Variants in CDX2 observed in about 807,000 individuals in gnomAD.
CDX2 encodes the protein caudal type homeobox 2, also known as homeobox protein CDX-2.
A neutral mutation model predicts 25.5 loss-of-function variants in CDX2; 7 were observed. That is an observed-to-expected ratio of 0.27 (90% confidence interval 0.16 to 0.52). CDX2 has a LOEUF of 0.52. Among genes scored for constraint, CDX2 ranks in the 20% least tolerant of loss-of-function variants. CDX2 has a pLI of 0.97. For missense variants in CDX2, 375 were observed against 431.4 expected (o/e 0.87, Z 1.16); for synonymous variants, 222 against 198.6 (o/e 1.12, Z -0.99).
intron 1 of CDX2, among the ~76,000 whole-genome samples, chr13:27,966,528 C>G (rs117721308): frequency 6.6e-6 from 1 of 152,212 alleles, no homozygotes; most frequent in Admixed American, 6.5e-5. Flanking sequence ...GGAGCTGAGG[C>G]GCAGGGCAGT....
rs1191697722 is a variant in CDX2 at position 27,968,964 on chromosome 13, G to T, written c.43C>A (p.Pro15Thr). The T allele has an allele frequency of 6.2e-7, 1 of 1,606,050 alleles. No individual in the cohort carries two copies. The highest frequency in any genetic ancestry group is 1.3e-5 in the African/African-American group (1 of 74,900). The change falls in exon 1 of 3, where the codon CCT becomes ACT. Residue 15 changes from proline (P) to threonine (T), a missense_variant. Physicochemically the swap from Pro to Thr is conservative, Grantham distance 38. Coordinates refer to ENST00000381020, the MANE Select transcript of CDX2 (RefSeq NM_001265.6). ...CCGCCAGAGTGGCGCACGGAGCTAG[G>T]GTACATGCTCACGTCCTTGTCCAGG... Reference protein sequence around the residue: ...YLLDKDVSMYPSSVRHSGGLN... With the variant: ...YLLDKDVSMYTSSVRHSGGLN...
In CDX2 at chr13:27,964,984, C is replaced by T. The variant is rs1161376779; in HGVS notation, c.573G>A (p.Val191=). 1 of 1,614,078 alleles carries T rather than the reference C, an allele frequency of 6.2e-7. No homozygotes were observed. Among genetic ancestry groups the T allele is most frequent in the South Asian group, 1.1e-5 (1 of 91,050 alleles). ...VKTRTKDKYR[V]VYTDHQRLEL... is the part of the protein sequence containing the mutation. Reference sequence around the variant, plus strand: ...CCAGCCGCTGGTGGTCCGTGTACACCACTCGATATTTGTCTTTCGTCCTGG... The same window carrying T: ...CCAGCCGCTGGTGGTCCGTGTACACTACTCGATATTTGTCTTTCGTCCTGG... Residue 191 remains valine (V), a synonymous_variant, in exon 2 of 3, where the codon GTG becomes GTA. Coordinates refer to ENST00000381020, the MANE Select transcript of CDX2 (RefSeq NM_001265.6). The surrounding 1 kb of genome is among the most constrained non-coding windows in gnomAD (Gnocchi z 4.7).
At chr13:27,968,176 C>T (rs1447514022) in intron 1 of CDX2, among the ~76,000 whole-genome samples, 5 of 152,254 alleles carry the variant, frequency 3.3e-5, no homozygotes, top group Non-Finnish European at 7.3e-5. Context: ...CGCCGACATT[C>T]CCCGGAGCTT....
chr13:27,967,390 T>C, intron 1 of CDX2: 1 of 523,808 alleles, frequency 1.9e-6, no homozygotes. Context: ...ACAGTTGTAA[T>C]TGGCTATAAA....
In CDX2 at chr13:27,969,141, C is replaced by T. The variant is rs1216374293; in HGVS notation, c.-135G>A. On this transcript the variant is annotated 5_prime_UTR_variant, in exon 1 of 3. Transcript: ENST00000381020. Reference sequence around the variant, plus strand: ...GGCTGCGCCCCAGCCCGCGGTGCTCCGCTGGCTCCTCGCGGCTCTTCTGCC... The same window carrying T: ...GGCTGCGCCCCAGCCCGCGGTGCTCTGCTGGCTCCTCGCGGCTCTTCTGCC... The T allele has an allele frequency of 1.6e-5, 10 of 613,878 alleles. No individual in the cohort carries two copies. In the African/African-American group the frequency reaches 1.8e-4, roughly 11 times the overall value. 38.0% of individuals were successfully genotyped at this position (613,878 alleles called of 1,614,324 possible).
chr13:27,967,763 C>T (rs1465730162), intron 1 of CDX2, among the ~76,000 whole-genome samples: 1 of 152,218 alleles, frequency 6.6e-6, no homozygotes. Flanking sequence ...AGACGCCTGC[C>T]CCTAGGCTTC....
rs993458674 is a variant in CDX2 at position 27,963,132 on chromosome 13, G to T, written c.925C>A (p.Pro309Thr). ...VLGPTGGVLN[P>T]TVTQ ...CCGGTGGGTCACTGGGTGACGGTGGGGTTTAGCACCCCCCCAGTTGGCCCC... is the reference window on the plus strand; with the variant it reads ...CCGGTGGGTCACTGGGTGACGGTGGTGTTTAGCACCCCCCCAGTTGGCCCC... Residue 309 changes from proline to threonine, a missense_variant, in exon 3 of 3, where the codon CCC (proline) becomes ACC (threonine). Transcript: ENST00000381020. The T allele has an allele frequency of 1.2e-6, 2 of 1,613,626 alleles. No homozygotes were observed. The highest frequency in any genetic ancestry group is 1.3e-5 in the African/African-American group (1 of 74,990).
At position 27,964,932 on chromosome 13, in the gene CDX2, G is replaced by C. The variant is rs149977259; in HGVS notation, c.625C>G (p.Arg209Gly). The change falls in exon 2 of 3, where the codon CGC becomes GGC. Residue 209 changes from arginine (R) to glycine (G), a missense_variant. Physicochemically the swap from Arg to Gly is moderately radical, Grantham distance 125 (BLOSUM62 -2). This residue lies in a region of CDX2 where 64 missense variants were observed against 124.6 expected (regional missense o/e 0.51). Coordinates refer to ENST00000381020, the MANE Select transcript of CDX2 (RefSeq NM_001265.6). The surrounding 1 kb of genome is among the most constrained non-coding windows in gnomAD (Gnocchi z 4.7). ...LELEKEFHYS[R>G]YITIRRKAEL... is the part of the protein sequence containing the mutation. The stretch of plus-strand genomic sequence containing the variant: ...GCTTTCCTCCGGATGGTGATGTAGC[G>C]ACTGTAGTGAAACTCCTTCTCCAGC... The C allele has an allele frequency of 1.2e-6, 2 of 1,614,108 alleles. No homozygotes were observed. Among genetic ancestry groups the C allele is most frequent in the Middle Eastern group, 1.6e-4 (1 of 6,062 alleles).
At position 27,968,655 on chromosome 13, in the gene CDX2, G is replaced by T. The variant is rs1433460970; in HGVS notation, c.352C>A (p.His118Asn). ...GGGTGGTGCGGGTGGTGATGCGGGT[G>T]GTGGTGCGGATGGTAGTCTGCGGGG... ...SSPADYHPHHHPHHHPHHPAA... is the reference protein window; with the variant it reads ...SSPADYHPHHNPHHHPHHPAA... The change falls in exon 1 of 3, where the codon CAC becomes AAC. Residue 118 changes from histidine to asparagine, a missense_variant. Around this residue, in one of 3 missense-constraint regions of CDX2, gnomAD observed 253 missense variants for 247.5 expected, o/e 1.02. Transcript: ENST00000381020. The T allele has an allele frequency of 1.3e-6, 2 of 1,534,630 alleles. No individual in the cohort carries two copies. Among genetic ancestry groups the T allele is most frequent in the African/African-American group, 1.4e-5 (1 of 71,712 alleles).
rs752356804 is a variant in CDX2 at position 27,963,272 on chromosome 13, G to A, written c.785C>T (p.Pro262Leu). Reference protein sequence around the residue: ...QQQQQPPQPPPPPPQPPQPQP... With the variant: ...QQQQQPPQPPLPPPQPPQPQP... ...AGGCTGGGGAGGCTGTGGTGGCGGC[G>A]GAGGCGGCTGTGGTGGCTGCTGCTG... is the stretch of plus-strand genomic sequence containing the variant. Residue 262 changes from proline (P) to leucine (L), a missense_variant, in exon 3 of 3, where the codon CCG becomes CTG. This residue lies in a region of CDX2 where 64 missense variants were observed against 124.6 expected (regional missense o/e 0.51). Coordinates refer to ENST00000381020, the MANE Select transcript of CDX2 (RefSeq NM_001265.6). 24 of 1,613,580 alleles carry A rather than the reference G, an allele frequency of 1.5e-5. No homozygotes were observed. The highest frequency in any genetic ancestry group is 1.0e-4 in the Admixed American group (6 of 59,990).
chr13:27,962,978 A>C lies in CDX2; in HGVS notation c.*137T>G. The C allele has an allele frequency of 9.1e-7, 1 of 1,093,036 alleles. No homozygotes were observed. The highest frequency in any genetic ancestry group is 1.2e-6 in the Non-Finnish European group (1 of 838,682). The allele number at this position is 1,093,036 out of a possible 1,614,324, so 67.7% of individuals were successfully genotyped here. On this transcript the variant is annotated 3_prime_UTR_variant, in exon 3 of 3. Transcript: ENST00000381020. ...CCCACTTGTCTTACTCCTGGCTCCC[A>C]TTTTTCCTCTGAGAGCCAGGTCTGT...
At position 27,968,666 on chromosome 13, in the gene CDX2, T is replaced by G; in HGVS notation, c.341A>C (p.His114Pro). 4 of 1,533,916 alleles carry G rather than the reference T, an allele frequency of 2.6e-6. No homozygotes were observed. Among genetic ancestry groups the G allele is most frequent in the South Asian group, 1.2e-5 (1 of 83,458 alleles). ...GTGGTGATGCGGGTGGTGGTGCGGA[T>G]GGTAGTCTGCGGGGCTGCTGTAGCC... ...AMGYSSPADY[H>P]PHHHPHHHPH... Residue 114 changes from histidine to proline, a missense_variant, in exon 1 of 3, where the codon CAT becomes CCT. This residue lies in a region of CDX2 where 253 missense variants were observed against 247.5 expected (regional missense o/e 1.02). Transcript: ENST00000381020.
intron 1 of CDX2, 117 bp downstream of exon 1, chr13:27,968,349 C>A (rs1869438742): frequency 7.9e-7 from 1 of 1,261,334 alleles, no homozygotes; most frequent in Non-Finnish European, 1.0e-6. Flanking sequence ...CTCCTGGCGC[C>A]GAGCTCCCAG....
rs2137532984 is a variant in CDX2, at chr13:27,962,525, C to A, written c.*590G>T. On this transcript the variant is annotated 3_prime_UTR_variant, in exon 3 of 3. Transcript: ENST00000381020. ...ACACCCTGTGCATACACCAGCCAAG[C>A]CTTTCCTGGTCTGGGAAGGGAAGAG... 4.3e-6 allele frequency: 1 copy of A among 233,288 alleles called. No individual in the cohort carries two copies. Among genetic ancestry groups the A allele is most frequent in the East Asian group, 6.1e-5 (1 of 16,502 alleles). The allele number at this position is 233,288 out of a possible 1,614,324, so 14.5% of individuals were successfully genotyped here.
At chr13:27,967,718 C>A (rs1869403734) in intron 1 of CDX2, among the ~76,000 whole-genome samples, 1 of 152,224 alleles carries the variant, frequency 6.6e-6, no homozygotes, top group Admixed American at 6.5e-5. Context: ...TTAATTCCCA[C>A]CAGGGTTTCC....
rs1484353341 is a variant in CDX2, at chr13:27,968,779, G to A, written c.228C>T (p.Asp76=). 6.6e-7 allele frequency: 1 copy of A among 1,516,372 alleles called. No homozygotes were observed. Among genetic ancestry groups the A allele is most frequent in the East Asian group, 2.5e-5 (1 of 39,470 alleles). 93.9% of individuals were successfully genotyped at this position (1,516,372 alleles called of 1,614,324 possible). ...CGCCTCCGGGCGCGTAGCCATTCCAGTCCTCCCGGAGTGGGGCGCCATACG... is the reference window on the plus strand; with the variant it reads ...CGCCTCCGGGCGCGTAGCCATTCCAATCCTCCCGGAGTGGGGCGCCATACG... ...PAAYGAPLRE[D]WNGYAPGGAA... Residue 76 remains aspartate, a synonymous_variant, in exon 1 of 3, where the codon GAC becomes GAT. Coordinates refer to ENST00000381020, the MANE Select transcript of CDX2 (RefSeq NM_001265.6).
rs764732999 is a variant in CDX2 at position 27,968,635 on chromosome 13, GTGCGGGTGGTGA to G, written c.360_371del (p.His122_His125del). On this transcript the variant is annotated inframe_deletion, in exon 1 of 3. Transcript: ENST00000381020. ...CGCAGGAAGGCGCGGCGGCCGGGTG[GTGCGGGTGGTGA>G]TGCGGGTGGTGGTGCGGATGGTAGT... is the stretch of plus-strand genomic sequence containing the variant. The G allele has an allele frequency of 1.4e-5, 22 of 1,538,632 alleles. 1 individual carries two copies. Among genetic ancestry groups the G allele is most frequent in the South Asian group, 7.1e-5 (6 of 83,996 alleles).
chr13:27,965,699 C>T (rs551557204), intron 1 of CDX2, among the ~76,000 whole-genome samples: 10 of 152,326 alleles, frequency 6.6e-5, no homozygotes, highest in East Asian at 5.8e-4. Flanking sequence ...GCTGCAAATC[C>T]GGCCAGAGTT....
In CDX2 at chr13:27,963,087, T is replaced by C; in HGVS notation, c.*28A>G. On this transcript the variant is annotated 3_prime_UTR_variant, in exon 3 of 3. Coordinates refer to ENST00000381020, the MANE Select transcript of CDX2 (RefSeq NM_001265.6). ...ACGCTCCTCATGGCTCAGCCTGGAA[T>C]TGCTCTGCCGCTGCAGAACCCGGTG... The C allele has an allele frequency of 6.3e-7, 1 of 1,594,470 alleles. No homozygotes were observed. Among genetic ancestry groups the C allele is most frequent in the Non-Finnish European group, 8.6e-7 (1 of 1,169,212 alleles).
Sources: gnomAD v4.1 joint callset for allele counts (sites outside exome capture counted in the v4.1 genomes callset) on GRCh38, gnomAD v4.1.1 for gene constraint, gnomAD v4.1.1 regional missense constraint, Gnocchi (gnomAD v3.1) non-coding constraint, MANE v1.5 for transcripts, NCBI Gene and HGNC (gene_info 2026-07-23, HGNC 2026-07-21) for gene names.